The following PNPLA8 variants were observed in gnomAD, a reference collection of about 807,000 sequenced individuals.
PNPLA8 encodes the protein calcium-independent phospholipase A2-gamma.
Under a neutral mutation model 76.9 loss-of-function variants are expected in PNPLA8, and 39 were observed. The observed-to-expected ratio is 0.51, with a 90% CI of 0.39 to 0.66. The LOEUF is 0.66. Ranked by LOEUF, PNPLA8 falls within the 30% of genes least tolerant of loss-of-function variation. The pLI, the probability that PNPLA8 is intolerant of heterozygous loss-of-function variation, is 0.00. For synonymous variants in PNPLA8, 301 were observed against 307.9 expected, an observed-to-expected ratio of 0.98 and a Z score of 0.24; for missense variants, 887 against 918.0, an observed-to-expected ratio of 0.97 and a Z score of 0.44.
At chr7:108,516,702 A>T (rs1249993286) in intron 2 of PNPLA8, among the ~76,000 whole-genome samples, 1 of 152,190 alleles carries the variant, frequency 6.6e-6, no homozygotes, top group East Asian at 1.9e-4. Flanking sequence ...GGAGTTCAAG[A>T]CCAGCCTGGT....
At chr7:108,511,040 G>GAAAA (rs60102827) in intron 4 of PNPLA8, 172 of 366,620 alleles carry the variant, frequency 4.7e-4, no homozygotes, top group South Asian at 1.4e-3. Flanking sequence ...TCTCAAATTG[G>GAAAA]AAAAAAAAAA....
At position 108,479,167 on chromosome 7, in the gene PNPLA8, C is replaced by T. The variant is rs1290569985; in HGVS notation, c.2074+17G>A. 1.3e-6 allele frequency: 2 copies of T among 1,574,630 alleles called. No homozygotes were observed. On this transcript the variant is annotated intron_variant, in intron 10 of 10. Transcript: ENST00000257694. ...TGCTAGAAGTTGAAGTATTTTAAAG[C>T]AGCAAACAAGACTAACCTTCTGTAT...
chr7:108,524,109 G>A (rs1290532308), intron 1 of PNPLA8, among the ~76,000 whole-genome samples: 1 of 152,172 alleles, frequency 6.6e-6, no homozygotes, highest in Non-Finnish European at 1.5e-5. Context: ...TTTACTTGTG[G>A]AATTACCAGC....
chr7:108,472,826 G>T (rs1859718227), intron 10 of PNPLA8, 151 bp from the exon 11 acceptor site: 1 of 543,660 alleles, frequency 1.8e-6, no homozygotes, highest in African/African-American at 2.0e-5. Context: ...GACAGTAGAA[G>T]TAATCCATAA....
rs201492688 is a variant in PNPLA8, at chr7:108,514,230, T to C, written c.1120A>G (p.Thr374Ala). The C allele has an allele frequency of 1.1e-5, 17 of 1,610,446 alleles. No individual in the cohort carries two copies. In the African/African-American group the frequency reaches 1.6e-4, roughly 15 times the overall value. The change falls in exon 4 of 11, where the codon ACT (threonine) becomes GCT (alanine). Residue 374 changes from threonine (T) to alanine (A), a missense_variant. Physicochemically the swap from Thr to Ala is moderately conservative, Grantham distance 58. Coordinates refer to ENST00000257694, the MANE Select transcript of PNPLA8 (RefSeq NM_001256007.3). ...RALVQALRRTTDPKLCITRVE... is the reference protein window; with the variant it reads ...RALVQALRRTADPKLCITRVE... ...CTAGTAATGCAGAGCTTTGGGTCAG[T>C]TGTTCTTCTTAATGCCTGAACTAAT...
chr7:108,514,054 G>A, intron 4 of PNPLA8, 90 bp downstream of exon 4: 1 of 872,680 alleles, frequency 1.1e-6, no homozygotes, highest in Non-Finnish European at 1.8e-6. Flanking sequence ...AATTCAAATG[G>A]AAAAATGAAA....
At chr7:108,478,521 G>A (rs1860157627) in intron 10 of PNPLA8, among the ~76,000 whole-genome samples, 1 of 152,072 alleles carries the variant, frequency 6.6e-6, no homozygotes, top group Non-Finnish European at 1.5e-5. Flanking sequence ...CTTCCAAGGA[G>A]CTGGAATTAC....
intron 10 of PNPLA8, 53 bp from the exon 11 acceptor site, chr7:108,472,728 T>G: frequency 2.4e-6 from 3 of 1,274,578 alleles, no homozygotes; most frequent in Non-Finnish European, 3.2e-6. Flanking sequence ...GGGGATAAAG[T>G]GAGCAATGAA....
intron 9 of PNPLA8, chr7:108,480,800 T>C (rs1443246888): frequency 3.0e-6 from 1 of 337,342 alleles, no homozygotes; most frequent in Non-Finnish European, 6.2e-6. Context: ...TGAACTTTAA[T>C]GCATATAGAT....
upstream of PNPLA8, among the ~76,000 whole-genome samples, chr7:108,526,538 C>G (rs1219444455): frequency 6.6e-6 from 1 of 152,224 alleles, no homozygotes; most frequent in Non-Finnish European, 1.5e-5. Flanking sequence ...ATAAGCCTCC[C>G]TCTCCGCGTC....
In PNPLA8 at chr7:108,475,363, C is replaced by A. The variant is rs575624796; in HGVS notation, c.2075-2688G>T. 7.9e-5 allele frequency among the ~76,000 whole-genome samples: 12 copies of A among 152,250 alleles called. No individual in the cohort carries two copies. In the East Asian group the frequency reaches 2.3e-3, roughly 29 times the overall value. On this transcript the variant is annotated intron_variant, in intron 10 of 10. Transcript: ENST00000257694. ...TGCGGAAAAACTATCTTCCACGAAA[C>A]CAGTCCTTGGGACCAAAGAGGTTGG...
At position 108,488,336 on chromosome 7, in the gene PNPLA8, T is replaced by C. The variant is rs1298118123; in HGVS notation, c.1684-383A>G. 4.6e-5 allele frequency among the ~76,000 whole-genome samples: 7 copies of C among 152,204 alleles called. No individual in the cohort carries two copies. The East Asian group carries it at 1.3e-3, about 29-fold the overall frequency. On this transcript the variant is annotated intron_variant, in intron 8 of 10. Coordinates refer to ENST00000257694, the MANE Select transcript of PNPLA8 (RefSeq NM_001256007.3). ...GGCTCACGCCAGTAATCCCAGCACT[T>C]TGGGAGGCCAAGGAGGGTGGATCAC...
chr7:108,475,340 C>T (rs1299505801), intron 10 of PNPLA8, among the ~76,000 whole-genome samples: 1 of 152,072 alleles, frequency 6.6e-6, no homozygotes, highest in East Asian at 1.9e-4. Flanking sequence ...CCCCCATGTG[C>T]GGAAAAACTA....
Position 108,514,334 on chromosome 7 carries a change from CT to C in PNPLA8, c.1057-42del, listed in dbSNP as rs763194478. On this transcript the variant is annotated intron_variant, in intron 3 of 10. Transcript: ENST00000257694. ...AAATAGATATGATTAGAATACAAAACTGCTCTAAAGAACAATGAAAGTTTCT... is the reference window on the plus strand; with the variant it reads ...AAATAGATATGATTAGAATACAAAACGCTCTAAAGAACAATGAAAGTTTCT... 26 of 1,562,100 alleles carry C rather than the reference CT, an allele frequency of 1.7e-5. No individual in the cohort carries two copies. In the South Asian group the frequency reaches 2.6e-4, roughly 15 times the overall value.
At chr7:108,501,052 A>G (rs1861901383) in intron 5 of PNPLA8, among the ~76,000 whole-genome samples, 1 of 152,202 alleles carries the variant, frequency 6.6e-6, no homozygotes, top group Non-Finnish European at 1.5e-5. Context: ...GTGAATACAG[A>G]ACCAAGGAAT....
intron 1 of PNPLA8, among the ~76,000 whole-genome samples, chr7:108,525,687 G>A (rs1864025224): frequency 6.6e-6 from 1 of 152,256 alleles, no homozygotes; most frequent in African/African-American, 2.4e-5. Flanking sequence ...AACTACTGGA[G>A]AACACTACAG....
intron 5 of PNPLA8, among the ~76,000 whole-genome samples, chr7:108,500,500 T>C (rs879757359): frequency 2.6e-5 from 4 of 152,238 alleles, no homozygotes; most frequent in Non-Finnish European, 5.9e-5. Context: ...AAGAAAGAAC[T>C]GTCTTTCCTC....
chr7:108,485,643 A>G (rs1404507376), intron 9 of PNPLA8, among the ~76,000 whole-genome samples: 1 of 152,140 alleles, frequency 6.6e-6, no homozygotes, highest in Non-Finnish European at 1.5e-5. Context: ...AGAAAGAATT[A>G]GGACTTTACT....
At position 108,488,220 on chromosome 7, in the gene PNPLA8, AT is replaced by A. The variant is rs1255111676; in HGVS notation, c.1684-268del. 6.6e-5 allele frequency among the ~76,000 whole-genome samples: 10 copies of A among 152,364 alleles called. No individual in the cohort carries two copies. The South Asian group carries it at 8.3e-4, about 13-fold the overall frequency. On this transcript the variant is annotated intron_variant, in intron 8 of 10. Coordinates refer to ENST00000257694, the MANE Select transcript of PNPLA8 (RefSeq NM_001256007.3). ...ACCATTACTCAATTTGATTAAAAAA[AT>A]ATTCAAAAAGGCAAACATTTCTAGA...
Sources: allele counts gnomAD v4.1 joint callset (sites outside exome capture counted in the v4.1 genomes callset), GRCh38; gene constraint gnomAD v4.1.1; transcripts MANE v1.5; gene names NCBI Gene and HGNC (gene_info 2026-07-23, HGNC 2026-07-21).